TNIK: variants seen among roughly 807,000 people sequenced by gnomAD.
TNIK encodes TRAF2 and NCK interacting kinase.
In TNIK, 49 loss-of-function variants were observed where a neutral mutation model predicts 191.3. The observed-to-expected ratio is 0.26, with a 90% confidence interval of 0.20 to 0.32. TNIK has a LOEUF of 0.32. Ranked by LOEUF, TNIK falls within the 10% of genes least tolerant of loss-of-function variation. The probability of loss-of-function intolerance (pLI) is 1.00; values close to 1 mark genes in which losing one functional copy is unlikely to be tolerated. For synonymous variants in TNIK, 594 were observed against 600.9 expected, an observed-to-expected ratio of 0.99 and a Z score of 0.17; for missense variants, 1,155 against 1,702.3, an observed-to-expected ratio of 0.68 and a Z score of 5.66.
At position 171,185,177 on chromosome 3, in the gene TNIK, CCGTGTGTGTGTG is replaced by C. The variant is rs1358385626; in HGVS notation, c.639+3513_639+3524del. 5.3e-3 allele frequency among the ~76,000 whole-genome samples: 630 copies of C among 118,030 alleles called. 6 individuals carry two copies. Among genetic ancestry groups the C allele is most frequent in the African/African-American group, 0.023 (595 of 25,640 alleles). The allele number at this position is 118,030 out of a possible 152,430, so 77.4% of individuals were successfully genotyped here. A position where few individuals can be genotyped will look rare whatever the true frequency, so the allele number is the denominator to read the frequency against. ...TTTTTCCAGGTTCTTTATAGATTTC[CCGTGTGTGTGTG>C]TGTGTGTGTGTGTGTGTGTGTGTGT... On this transcript the variant is annotated intron_variant, in intron 7 of 32. Coordinates refer to ENST00000436636, the MANE Select transcript of TNIK (RefSeq NM_015028.4).
intron 2 of TNIK, among the ~76,000 whole-genome samples, chr3:171,240,799 A>G (rs1259116352): frequency 6.6e-6 from 1 of 152,164 alleles, no homozygotes; most frequent in Non-Finnish European, 1.5e-5. Flanking sequence ...TGCTTTACAG[A>G]TCATCTAACA....
At chr3:171,335,911 G>A (rs1034279363) in intron 2 of TNIK, among the ~76,000 whole-genome samples, 32 of 152,006 alleles carry the variant, frequency 2.1e-4, no homozygotes, top group Admixed American at 2.6e-4. Context: ...TGAAAGTTCC[G>A]GTTGCTTCAT....
At chr3:171,140,605 CTT>C (rs1195901877) in intron 12 of TNIK, 96 bp from the exon 13 acceptor site, 1 of 1,148,356 alleles carries the variant, frequency 8.7e-7, no homozygotes, top group Non-Finnish European at 1.3e-6. Flanking sequence ...CAGACATGAA[CTT>C]TTAATGAGAT....
At chr3:171,267,789 C>T (rs17472902) in intron 2 of TNIK, among the ~76,000 whole-genome samples, 31,131 of 152,162 alleles carry the variant, frequency 0.2, 3,407 homozygotes, top group South Asian at 0.25. Context: ...AAGTTCTCCA[C>T]GTTCTCCATG....
chr3:171,401,160 T>C (rs983039344), intron 1 of TNIK, among the ~76,000 whole-genome samples: 4 of 152,110 alleles, frequency 2.6e-5, no homozygotes, highest in Admixed American at 2.6e-4. Context: ...CATATTTCCT[T>C]CTCTCCTGAA....
At chr3:171,075,169 A>G (rs1428800239) in intron 28 of TNIK, among the ~76,000 whole-genome samples, 1 of 152,254 alleles carries the variant, frequency 6.6e-6, no homozygotes, top group African/African-American at 2.4e-5. Context: ...ATCATACAGT[A>G]TTAGTTTATG....
chr3:171,458,594 G>A (rs1729043786), intron 1 of TNIK, among the ~76,000 whole-genome samples: 1 of 152,204 alleles, frequency 6.6e-6, no homozygotes. Flanking sequence ...CAAAGAGAAA[G>A]TACCACTTTG....
intron 2 of TNIK, among the ~76,000 whole-genome samples, chr3:171,277,392 C>T (rs1396979844): frequency 6.6e-6 from 1 of 151,916 alleles, no homozygotes; most frequent in Non-Finnish European, 1.5e-5. Flanking sequence ...TTGAAGATAA[C>T]ATTCAGAATA....
Position 171,459,949 on chromosome 3 carries a change from C to G in TNIK, c.57+58G>C, listed in dbSNP as rs1237550453. The stretch of plus-strand genomic sequence containing the variant: ...CAGCCCCAGCCCCCAGTCCACGCAC[C>G]GAGCCCATTCACCCTAACCCAAACC... On this transcript the variant is annotated intron_variant, in intron 1 of 32. Coordinates refer to ENST00000436636, the MANE Select transcript of TNIK (RefSeq NM_015028.4). 6 of 1,557,466 alleles carry G rather than the reference C, an allele frequency of 3.9e-6. No homozygotes were observed. The East Asian group carries it at 1.4e-4, about 37-fold the overall frequency.
intron 2 of TNIK, among the ~76,000 whole-genome samples, chr3:171,337,221 G>A (rs1286545915): frequency 6.6e-6 from 1 of 152,216 alleles, no homozygotes; most frequent in Non-Finnish European, 1.5e-5. Context: ...ATGCCAGGCA[G>A]GAAGTTCCTA....
Position 171,218,840 on chromosome 3 carries a change from TG to T in TNIK, c.181-7600del, listed in dbSNP as rs1315317792. On this transcript the variant is annotated intron_variant, in intron 3 of 32. Coordinates refer to ENST00000436636, the MANE Select transcript of TNIK (RefSeq NM_015028.4). ...TTTTTATATATTATAAATATATATT[TG>T]ATATATATTACATATATTTAATATA... 4.5e-5 allele frequency among the ~76,000 whole-genome samples: 6 copies of T among 132,706 alleles called. No individual in the cohort carries two copies. In the Admixed American group the frequency reaches 4.9e-4, roughly 11 times the overall value. The allele number at this position is 132,706 out of a possible 152,430, so 87.1% of individuals were successfully genotyped here. A position where few individuals can be genotyped will look rare whatever the true frequency, so the allele number is the denominator to read the frequency against.
At chr3:171,393,261 C>A (rs6801198) in intron 1 of TNIK, among the ~76,000 whole-genome samples, 67,993 of 152,026 alleles carry the variant, frequency 0.45, 15,807 homozygotes, top group Non-Finnish European at 0.5. Context: ...TACAATCTCG[C>A]GGTCAGTGCA....
intron 2 of TNIK, among the ~76,000 whole-genome samples, chr3:171,287,041 A>G (rs1751084297): frequency 6.6e-6 from 1 of 152,200 alleles, no homozygotes; most frequent in African/African-American, 2.4e-5. Flanking sequence ...GTTCTCATAG[A>G]AAAACATAAA....
At chr3:171,353,184 A>G (rs188098176) in intron 2 of TNIK, among the ~76,000 whole-genome samples, 11 of 152,272 alleles carry the variant, frequency 7.2e-5, no homozygotes, top group Admixed American at 2.0e-4. Context: ...TTAAACCAGA[A>G]AATTTTAAAT....
At chr3:171,396,763 C>T (rs1720305137) in intron 1 of TNIK, among the ~76,000 whole-genome samples, 1 of 152,188 alleles carries the variant, frequency 6.6e-6, no homozygotes, top group Non-Finnish European at 1.5e-5. Context: ...AGAAACAAGG[C>T]TCTTCCACTT....
At chr3:171,147,839 C>T (rs980929414) in intron 12 of TNIK, among the ~76,000 whole-genome samples, 3 of 152,126 alleles carry the variant, frequency 2.0e-5, no homozygotes, top group African/African-American at 4.8e-5. Context: ...GATTTATATT[C>T]CATGCCTGAC....
At chr3:171,091,926 A>T (rs1321093728) in intron 23 of TNIK, among the ~76,000 whole-genome samples, 2 of 150,686 alleles carry the variant, frequency 1.3e-5, no homozygotes, top group Non-Finnish European at 3.0e-5. Context: ...AGACACTGGC[A>T]AATGCTATTT....
chr3:171,270,556 T>C (rs902953), intron 2 of TNIK, among the ~76,000 whole-genome samples: 68,647 of 151,946 alleles, frequency 0.45, 16,017 homozygotes, highest in Non-Finnish European at 0.48. Context: ...AAAGTAAAAT[T>C]CGTCTCTAAT....
chr3:171,102,882 TAA>T (rs1393872031), intron 21 of TNIK, among the ~76,000 whole-genome samples: 1 of 152,220 alleles, frequency 6.6e-6, no homozygotes, highest in Admixed American at 6.5e-5. Context: ...AGTTAAATTA[TAA>T]TTTTATTTTG....
Sources: gnomAD v4.1 joint callset for allele counts (sites outside exome capture counted in the v4.1 genomes callset) on GRCh38, gnomAD v4.1.1 for gene constraint, MANE v1.5 for transcripts, NCBI Gene and HGNC (gene_info 2026-07-23, HGNC 2026-07-21) for gene names.